The following DZANK1 variants were observed in gnomAD, a reference collection of about 807,000 sequenced individuals.
DZANK1 encodes double zinc ribbon and ankyrin repeat domains 1, also known as double zinc ribbon and ankyrin repeat-containing protein 1.
A neutral mutation model predicts 94.5 loss-of-function variants in DZANK1; 91 were observed. That is an observed-to-expected ratio of 0.96 (90% CI 0.81 to 1.15). The LOEUF (loss-of-function observed/expected upper bound fraction) is 1.15. DZANK1 is among the 50% of genes most tolerant of loss of function. The pLI, the probability that DZANK1 is intolerant of heterozygous loss-of-function variation, is 0.00. For missense variants in DZANK1, 903 were observed against 916.4 expected (o/e 0.99, Z 0.19); for synonymous variants, 312 against 325.3 (o/e 0.96, Z 0.44).
At chr20:18,433,791 T>C (rs1188201912) in intron 8 of DZANK1, 26 bp from the exon 9 acceptor site, 7 of 1,596,436 alleles carry the variant, frequency 4.4e-6, no homozygotes, top group Non-Finnish European at 4.3e-6. Flanking sequence ...GTCTGGTTTA[T>C]CTTGCACATA....
chr20:18,434,527 A>G (rs2058435666), intron 8 of DZANK1, among the ~76,000 whole-genome samples: 1 of 148,772 alleles, frequency 6.7e-6, no homozygotes, highest in African/African-American at 2.5e-5. Flanking sequence ...CCTGGGTGAC[A>G]AGAGCGAGAC....
intron 6 of DZANK1, among the ~76,000 whole-genome samples, chr20:18,450,947 T>C (rs951474334): frequency 2.6e-5 from 4 of 152,218 alleles, no homozygotes; most frequent in Non-Finnish European, 5.9e-5. Context: ...TTTATTTTTA[T>C]TTTTATTTTC....
At chr20:18,456,199 C>T (rs886597984) in intron 3 of DZANK1, among the ~76,000 whole-genome samples, 6 of 152,180 alleles carry the variant, frequency 3.9e-5, no homozygotes, top group Admixed American at 2.6e-4. Flanking sequence ...CCTGTCTCAG[C>T]TGTAGACAGT....
At chr20:18,395,812 T>A (rs1426573206) in intron 15 of DZANK1, among the ~76,000 whole-genome samples, 1 of 152,204 alleles carries the variant, frequency 6.6e-6, no homozygotes, top group Non-Finnish European at 1.5e-5. Context: ...AAAAGAGCAG[T>A]TAGTGCTTTA....
intron 8 of DZANK1, chr20:18,433,966 T>A (rs1170088282): frequency 2.6e-5 from 14 of 543,142 alleles, no homozygotes; most frequent in Non-Finnish European, 4.2e-5. Flanking sequence ...AACAATTTTT[T>A]AAATAATTAC....
At chr20:18,453,392 C>T (rs1292217233) in intron 5 of DZANK1, among the ~76,000 whole-genome samples, 1 of 152,180 alleles carries the variant, frequency 6.6e-6, no homozygotes, top group Admixed American at 6.5e-5. Context: ...ACCAGCTTCG[C>T]TTTGAGACTA....
chr20:18,394,398 T>C, intron 15 of DZANK1, 48 bp from the exon 16 acceptor site: 1 of 1,562,110 alleles, frequency 6.4e-7, no homozygotes, highest in Non-Finnish European at 8.7e-7. Context: ...GGCTGCTTTG[T>C]CCCACTAGAA....
intron 9 of DZANK1, among the ~76,000 whole-genome samples, chr20:18,428,333 C>T (rs146224013): frequency 0.014 from 2,054 of 151,784 alleles, 22 homozygotes; most frequent in Non-Finnish European, 0.019. Flanking sequence ...GGACTAGAGG[C>T]GCATGCCACT....
At position 18,451,981 on chromosome 20, in the gene DZANK1, T is replaced by C. The variant is rs755651331; in HGVS notation, c.543+634A>G. Reference sequence around the variant, plus strand: ...GTCTTGCCTGCCAAACAGATACCATTTACAATTAGAATAGAATTCAAACTT... The same window carrying C: ...GTCTTGCCTGCCAAACAGATACCATCTACAATTAGAATAGAATTCAAACTT... On this transcript the variant is annotated intron_variant, in intron 6 of 20. Transcript: ENST00000262547. The C allele has an allele frequency of 9.7e-6, 5 of 514,662 alleles. No individual in the cohort carries two copies. In the East Asian group the frequency reaches 2.2e-4, roughly 22 times the overall value. 31.9% of individuals were successfully genotyped at this position (514,662 alleles called of 1,614,324 possible).
chr20:18,412,922 G>A, intron 12 of DZANK1, 69 bp from the exon 13 acceptor site: 2 of 1,353,724 alleles, frequency 1.5e-6, no homozygotes, highest in South Asian at 1.3e-5. Context: ...TTTACTTATA[G>A]AAAACAACTC....
chr20:18,449,030 T>G, exon 7 of DZANK1: 1 of 1,613,934 alleles, frequency 6.2e-7, no homozygotes, highest in South Asian at 1.1e-5. Context: ...TCCGTGCTTG[T>G]CAAACACTTC....
intron 6 of DZANK1, 98 bp from the exon 7 acceptor site, chr20:18,449,167 G>T (rs1214175918): frequency 3.1e-6 from 3 of 957,380 alleles, no homozygotes; most frequent in African/African-American, 1.6e-5. Context: ...ATCATTATGG[G>T]TGAATACACA....
chr20:18,389,917 T>C lies in DZANK1; in HGVS notation c.1891-89A>G. The C allele has an allele frequency of 1.9e-6, 3 of 1,552,380 alleles. No homozygotes were observed. The East Asian group carries it at 6.8e-5, about 35-fold the overall frequency. ...ATCCTATGAAGTATAACAGATGTCCTTTACAGAGCTGATGCAACTAAAGTG... is the reference window on the plus strand; with the variant it reads ...ATCCTATGAAGTATAACAGATGTCCCTTACAGAGCTGATGCAACTAAAGTG... On this transcript the variant is annotated intron_variant, in intron 18 of 20. Transcript: ENST00000262547.
intron 15 of DZANK1, 80 bp from the exon 16 acceptor site, chr20:18,394,430 T>G (rs2056211139): frequency 4.5e-6 from 6 of 1,334,334 alleles, no homozygotes. Flanking sequence ...CCTTCTAACC[T>G]GCTCCTCCTT....
intron 9 of DZANK1, among the ~76,000 whole-genome samples, chr20:18,431,984 C>G (rs1186567076): frequency 6.6e-6 from 1 of 152,092 alleles, no homozygotes; most frequent in Non-Finnish European, 1.5e-5. Flanking sequence ...ATAAAAATGT[C>G]TCTTATAAAA....
At chr20:18,435,916 G>A (rs1395420311) in intron 8 of DZANK1, among the ~76,000 whole-genome samples, 1 of 152,076 alleles carries the variant, frequency 6.6e-6, no homozygotes, top group East Asian at 1.9e-4. Flanking sequence ...TTTAATCCAA[G>A]TAAACAAAAC....
At chr20:18,400,054 T>G (rs2056587938) in intron 13 of DZANK1, among the ~76,000 whole-genome samples, 1 of 152,170 alleles carries the variant, frequency 6.6e-6, no homozygotes, top group African/African-American at 2.4e-5. Flanking sequence ...GCCAGACACT[T>G]AAATCTCCCT....
intron 2 of DZANK1, among the ~76,000 whole-genome samples, chr20:18,463,495 T>C (rs180849139): frequency 8.7e-6 from 1 of 114,580 alleles, no homozygotes; most frequent in Admixed American, 9.8e-5. Context: ...AAAATAAAAG[T>C]TGTAAAAGAA....
At chr20:18,387,819 T>C (rs897807782) in intron 19 of DZANK1, among the ~76,000 whole-genome samples, 2 of 152,226 alleles carry the variant, frequency 1.3e-5, no homozygotes, top group African/African-American at 4.8e-5. Flanking sequence ...TAATGGAAGT[T>C]ACCTGGTGAA....
Sources: gnomAD v4.1 joint callset for allele counts (sites outside exome capture counted in the v4.1 genomes callset) on GRCh38, gnomAD v4.1.1 for gene constraint, MANE v1.5 for transcripts, NCBI Gene and HGNC (gene_info 2026-07-23, HGNC 2026-07-21) for gene names.